Variants in DYNC1I1 observed in about 807,000 individuals in gnomAD.
The protein encoded by DYNC1I1 is dynein cytoplasmic 1 intermediate chain 1.
DYNC1I1 carries 43 observed loss-of-function variants against 86.6 expected under a neutral mutation model. The observed-to-expected ratio is 0.50, with a 90% CI of 0.39 to 0.64. The LOEUF is 0.64. DYNC1I1 is among the 30% of genes least tolerant of loss of function. DYNC1I1 has a pLI of 0.00. For missense variants in DYNC1I1, 604 were observed against 788.8 expected, an observed-to-expected ratio of 0.77 and a Z score of 2.81; for synonymous variants, 262 against 283.7, an observed-to-expected ratio of 0.92 and a Z score of 0.77.
At chr7:96,108,679 T>C (rs576802629) in intron 16 of DYNC1I1, among the ~76,000 whole-genome samples, 1 of 151,838 alleles carries the variant, frequency 6.6e-6, no homozygotes, top group Non-Finnish European at 1.5e-5. Flanking sequence ...CTGGCCAAGA[T>C]GGTAAAACCC....
chr7:95,969,925 A>G (rs976160062), intron 6 of DYNC1I1, among the ~76,000 whole-genome samples: 4 of 152,214 alleles, frequency 2.6e-5, no homozygotes, highest in Admixed American at 6.5e-5. Flanking sequence ...AGCATGTAGT[A>G]TATTTAACAA....
At chr7:95,796,391 C>A (rs544308719) in intron 1 of DYNC1I1, among the ~76,000 whole-genome samples, 1 of 152,196 alleles carries the variant, frequency 6.6e-6, no homozygotes, top group East Asian at 1.9e-4. Context: ...TTCACTGCAA[C>A]CTCCACCTCC....
intron 6 of DYNC1I1, among the ~76,000 whole-genome samples, chr7:95,919,290 G>A (rs1791552298): frequency 6.6e-6 from 1 of 152,108 alleles, no homozygotes; most frequent in Non-Finnish European, 1.5e-5. Flanking sequence ...AGACTTAGAG[G>A]TTTTTCCAAA....
intron 6 of DYNC1I1, among the ~76,000 whole-genome samples, chr7:95,954,170 A>G (rs181025186): frequency 6.2e-4 from 94 of 151,876 alleles, no homozygotes; most frequent in African/African-American, 2.1e-3. Context: ...CATTCTCAAA[A>G]CAGGCAATTC....
chr7:95,774,253 C>G (rs1290544950), intron 1 of DYNC1I1, among the ~76,000 whole-genome samples: 2 of 152,150 alleles, frequency 1.3e-5, no homozygotes. Flanking sequence ...GCTCTTAGCC[C>G]TGTTTCTGGC....
intron 14 of DYNC1I1, among the ~76,000 whole-genome samples, chr7:96,068,343 C>A (rs1790056425): frequency 6.6e-6 from 1 of 152,164 alleles, no homozygotes; most frequent in South Asian, 2.1e-4. Flanking sequence ...TGCTAGTTCT[C>A]TCCACCATTA....
At chr7:95,811,920 C>T (rs1042215339) in intron 3 of DYNC1I1, among the ~76,000 whole-genome samples, 1 of 152,142 alleles carries the variant, frequency 6.6e-6, no homozygotes, top group Non-Finnish European at 1.5e-5. Flanking sequence ...CCTAGTCTCC[C>T]CTACCCTACA....
chr7:95,872,249 A>T (rs1014848298), intron 6 of DYNC1I1, among the ~76,000 whole-genome samples: 3 of 152,242 alleles, frequency 2.0e-5, no homozygotes, highest in Admixed American at 6.5e-5. Context: ...GCGGCAGGAA[A>T]CAACTACGGA....
chr7:96,063,176 T>G (rs948233192), intron 14 of DYNC1I1, among the ~76,000 whole-genome samples: 5 of 151,588 alleles, frequency 3.3e-5, no homozygotes, highest in Non-Finnish European at 1.5e-5. Flanking sequence ...CCTCTTTCAA[T>G]GGAGGCGCAA....
At chr7:95,958,928 A>G (rs1455071821) in intron 6 of DYNC1I1, among the ~76,000 whole-genome samples, 2 of 152,200 alleles carry the variant, frequency 1.3e-5, no homozygotes, top group Non-Finnish European at 2.9e-5. Flanking sequence ...AGCGAATGCT[A>G]TCATTTGGCA....
At chr7:96,001,717 T>G (rs771170112) in intron 10 of DYNC1I1, among the ~76,000 whole-genome samples, 7 of 152,188 alleles carry the variant, frequency 4.6e-5, no homozygotes, top group Non-Finnish European at 1.0e-4. Flanking sequence ...AGCTCTCTGA[T>G]GTCTCTTATA....
At chr7:95,816,287 G>C (rs866561850) in intron 4 of DYNC1I1, among the ~76,000 whole-genome samples, 2 of 152,192 alleles carry the variant, frequency 1.3e-5, no homozygotes, top group Admixed American at 1.3e-4. Flanking sequence ...CTCCCAAAGT[G>C]CTGGGATTAT....
intron 14 of DYNC1I1, among the ~76,000 whole-genome samples, chr7:96,056,447 T>C (rs1789579996): frequency 6.6e-6 from 1 of 152,202 alleles, no homozygotes; most frequent in African/African-American, 2.4e-5. Flanking sequence ...AAATAGTTCC[T>C]TAACAGCAGA....
At chr7:96,010,071 A>G (rs962351267) in intron 10 of DYNC1I1, among the ~76,000 whole-genome samples, 1 of 152,088 alleles carries the variant, frequency 6.6e-6, no homozygotes, top group Non-Finnish European at 1.5e-5. Flanking sequence ...AATTCAAGAT[A>G]TTTATTGAAC....
intron 6 of DYNC1I1, among the ~76,000 whole-genome samples, chr7:95,925,843 G>A (rs927869456): frequency 2.0e-5 from 3 of 152,068 alleles, no homozygotes; most frequent in African/African-American, 4.8e-5. Flanking sequence ...TGCTTTAAAC[G>A]TTATTTTGTC....
chr7:95,896,529 A>G (rs1179915312), intron 6 of DYNC1I1, among the ~76,000 whole-genome samples: 3 of 152,220 alleles, frequency 2.0e-5, no homozygotes, highest in Non-Finnish European at 4.4e-5. Flanking sequence ...CAGAGAAGAT[A>G]ACTGACAAAA....
At chr7:95,918,673 G>T (rs564128262) in intron 6 of DYNC1I1, among the ~76,000 whole-genome samples, 1 of 152,166 alleles carries the variant, frequency 6.6e-6, no homozygotes, top group Non-Finnish European at 1.5e-5. Context: ...GAAAAAGAAA[G>T]AACTAACTTC....
intron 5 of DYNC1I1, among the ~76,000 whole-genome samples, chr7:95,856,467 T>A (rs1789727256): frequency 6.6e-6 from 1 of 152,134 alleles, no homozygotes. Flanking sequence ...ACTACAGACA[T>A]TCCTTTCTAT....
intron 6 of DYNC1I1, among the ~76,000 whole-genome samples, chr7:95,878,281 T>G (rs1790361120): frequency 6.6e-6 from 1 of 151,934 alleles, no homozygotes; most frequent in Non-Finnish European, 1.5e-5. Flanking sequence ...TGTGTGTATG[T>G]GTTTTTTCAA....
Sources: allele counts gnomAD v4.1 joint callset (sites outside exome capture counted in the v4.1 genomes callset), GRCh38; gene constraint gnomAD v4.1.1; transcripts MANE v1.5; gene names NCBI Gene and HGNC (gene_info 2026-07-23, HGNC 2026-07-21).